The following SAMMSON variants were observed in gnomAD, a reference collection of about 807,000 sequenced individuals.
The protein encoded by SAMMSON is long intergenic non-protein coding RNA 1212.
chr3:70,027,479 C>G (rs563274099), intron 3 of SAMMSON, among the ~76,000 whole-genome samples: 4 of 152,306 alleles, frequency 2.6e-5, no homozygotes, highest in South Asian at 2.1e-4. Context: ...TAGGTTATCT[C>G]TCAATATACC....
chr3:70,183,781 A>C (rs554533116), intron 4 of SAMMSON: 7 of 152,282 alleles, frequency 4.6e-5, no homozygotes, highest in Admixed American at 2.0e-4. Flanking sequence ...TCAATAAATA[A>C]ATGAGCACTT....
chr3:70,349,106 G>C lies in SAMMSON; in HGVS notation n.740-5069G>C, dbSNP rs117267996. ...AATGGAAGAACAGGCTGGCCACAGT[G>C]GTTCATGCCTGTAATCCCAGCACTT... On this transcript the variant is annotated intron_variant and non_coding_transcript_variant, in intron 7 of 9. Coordinates refer to ENST00000642114, the Ensembl canonical transcript of SAMMSON. Among the ~76,000 whole-genome samples, 375 of 152,252 alleles carry C rather than the reference G, an allele frequency of 2.5e-3. 10 individuals are homozygous for C. The South Asian group carries it at 0.036, about 15-fold the overall frequency.
intron 9 of SAMMSON, among the ~76,000 whole-genome samples, chr3:70,378,786 T>A (rs193018023): frequency 6.6e-6 from 1 of 152,200 alleles, no homozygotes; most frequent in Admixed American, 6.5e-5. Context: ...AGATTATTTA[T>A]TGTGACATCA....
intron 3 of SAMMSON, among the ~76,000 whole-genome samples, chr3:70,034,180 A>T (rs1334792084): frequency 6.6e-6 from 1 of 152,178 alleles, no homozygotes; most frequent in Non-Finnish European, 1.5e-5. Context: ...ATCACATAAG[A>T]CATCAAATAA....
intron 7 of SAMMSON, among the ~76,000 whole-genome samples, chr3:70,346,311 G>T (rs202028869): frequency 1.4e-3 from 200 of 140,736 alleles, no homozygotes; most frequent in African/African-American, 4.5e-3. Flanking sequence ...TTTGCTCATT[G>T]TTTTTTTTTT....
intron 2 of SAMMSON, among the ~76,000 whole-genome samples, chr3:70,410,261 T>C (rs1256620517): frequency 1.3e-5 from 2 of 152,208 alleles, no homozygotes; most frequent in Non-Finnish European, 2.9e-5. Context: ...ACATGCCCTA[T>C]TTTAGAAAAC....
chr3:70,149,303 G>C (rs1422061071), intron 4 of SAMMSON, among the ~76,000 whole-genome samples: 1 of 152,080 alleles, frequency 6.6e-6, no homozygotes, highest in Non-Finnish European at 1.5e-5. Flanking sequence ...GGACAAAGCA[G>C]AGCTAGTAAC....
chr3:70,410,683 G>A (rs559777125), intron 2 of SAMMSON, among the ~76,000 whole-genome samples: 10 of 152,122 alleles, frequency 6.6e-5, no homozygotes, highest in Admixed American at 1.3e-4. Context: ...TGTTACTATC[G>A]CTTAAATTTG....
chr3:70,093,686 A>T (rs2106649108), intron 4 of SAMMSON, among the ~76,000 whole-genome samples: 1 of 152,300 alleles, frequency 6.6e-6, no homozygotes, highest in Admixed American at 6.5e-5. Flanking sequence ...AGAAGGAGTC[A>T]AGATTGTGAA....
chr3:70,110,761 T>G (rs1340007873), intron 4 of SAMMSON, among the ~76,000 whole-genome samples: 1 of 151,954 alleles, frequency 6.6e-6, no homozygotes, highest in East Asian at 1.9e-4. Context: ...ATGAGGGCGG[T>G]GGTGAAAAGC....
intron 4 of SAMMSON, among the ~76,000 whole-genome samples, chr3:70,105,518 G>T (rs2067363899): frequency 2.0e-5 from 3 of 152,182 alleles, no homozygotes; most frequent in Admixed American, 2.0e-4. Context: ...TATTTGAGTG[G>T]CATGTCGAGA....
At chr3:70,396,320 A>G (rs1027776137) in intron 2 of SAMMSON, among the ~76,000 whole-genome samples, 10 of 152,336 alleles carry the variant, frequency 6.6e-5, no homozygotes, top group East Asian at 3.9e-4. Flanking sequence ...TTCTTCTACA[A>G]TGATTTTCAA....
chr3:70,350,387 C>A (rs908460505), intron 7 of SAMMSON, among the ~76,000 whole-genome samples: 2 of 151,872 alleles, frequency 1.3e-5, no homozygotes, highest in African/African-American at 4.8e-5. Flanking sequence ...GAATTTATTG[C>A]TAAAATTATA....
intron 6 of SAMMSON, among the ~76,000 whole-genome samples, chr3:70,262,160 C>T (rs992486192): frequency 1.3e-5 from 2 of 152,150 alleles, no homozygotes; most frequent in South Asian, 4.1e-4. Context: ...GGTAACAATA[C>T]TTTCAATAGA....
At chr3:70,191,982 TA>T (rs11361495) in intron 4 of SAMMSON, among the ~76,000 whole-genome samples, 30,883 of 151,796 alleles carry the variant, frequency 0.2, 4,010 homozygotes, top group African/African-American at 0.37. Flanking sequence ...TTCTATATGA[TA>T]TTTTTTCTCA....
chr3:70,153,322 C>G (rs2067579104), intron 4 of SAMMSON, among the ~76,000 whole-genome samples: 1 of 151,912 alleles, frequency 6.6e-6, no homozygotes, highest in Non-Finnish European at 1.5e-5. Context: ...AATGTCAGCT[C>G]TACAGAAACT....
chr3:70,168,874 C>G (rs2038772212), intron 4 of SAMMSON, among the ~76,000 whole-genome samples: 1 of 151,952 alleles, frequency 6.6e-6, no homozygotes, highest in Non-Finnish European at 1.5e-5. Flanking sequence ...GGAACCCACA[C>G]CAATATGTTT....
intron 4 of SAMMSON, among the ~76,000 whole-genome samples, chr3:70,223,561 C>G (rs1408215149): frequency 6.6e-6 from 1 of 152,086 alleles, no homozygotes; most frequent in Non-Finnish European, 1.5e-5. Flanking sequence ...GTCTCCCCCA[C>G]CAAAAATGAG....
chr3:70,044,590 G>A (rs950748497), intron 3 of SAMMSON, among the ~76,000 whole-genome samples: 1 of 152,024 alleles, frequency 6.6e-6, no homozygotes, highest in Non-Finnish European at 1.5e-5. Context: ...ATCAAAGGCA[G>A]TGAAGATACG....
Sources: allele counts gnomAD v4.1 joint callset (sites outside exome capture counted in the v4.1 genomes callset), GRCh38; gene constraint gnomAD v4.1.1; transcripts MANE v1.5; gene names NCBI Gene and HGNC (gene_info 2026-07-23, HGNC 2026-07-21).